Variants in CRADD observed in about 807,000 individuals in gnomAD.
CRADD encodes the protein CARD and death domain containing adaptor protein, also known as death domain-containing protein CRADD.
In CRADD, 9 loss-of-function variants were observed where a neutral mutation model predicts 15.5. The ratio of observed to expected loss-of-function variants is 0.58; its 90% CI spans 0.35 to 1.01. The LOEUF is 1.01. Ranked by LOEUF, CRADD falls within the 50% of genes least tolerant of loss-of-function variation. The pLI, the probability that CRADD is intolerant of heterozygous loss-of-function variation, is 0.02. For missense variants in CRADD, 227 were observed against 250.3 expected (o/e 0.91, Z 0.63); for synonymous variants, 118 against 107.6 (o/e 1.10, Z -0.60).
At chr12:93,857,749 A>AGG (rs1958287150) in intron 2 of CRADD, among the ~76,000 whole-genome samples, 1 of 152,146 alleles carries the variant, frequency 6.6e-6, no homozygotes, top group African/African-American at 2.4e-5. Flanking sequence ...ACATGGCAAG[A>AGG]GGGGGAGCAA....
chr12:93,770,215 C>G (rs916471788), intron 2 of CRADD, among the ~76,000 whole-genome samples: 7 of 150,440 alleles, frequency 4.7e-5, no homozygotes, highest in African/African-American at 1.7e-4. Flanking sequence ...CCTGCCTCAG[C>G]CTCCCGAGTA....
intron 2 of CRADD, among the ~76,000 whole-genome samples, chr12:93,833,527 C>T (rs1443815770): frequency 6.6e-6 from 1 of 151,836 alleles, no homozygotes; most frequent in Non-Finnish European, 1.5e-5. Context: ...TATTTTTGTA[C>T]AGATTGAGGG....
At chr12:93,731,846 G>T (rs984207506) in intron 2 of CRADD, among the ~76,000 whole-genome samples, 3 of 152,268 alleles carry the variant, frequency 2.0e-5, no homozygotes, top group Middle Eastern at 3.4e-3. Context: ...TTATGAAACA[G>T]TGAAATCTGG....
At chr12:93,737,173 CAG>C (rs929648159) in intron 2 of CRADD, among the ~76,000 whole-genome samples, 5 of 152,168 alleles carry the variant, frequency 3.3e-5, no homozygotes, top group African/African-American at 1.2e-4. Flanking sequence ...TATGGAAAAA[CAG>C]GGAGATGTGG....
intron 2 of CRADD, among the ~76,000 whole-genome samples, chr12:93,803,811 C>T (rs1480145781): frequency 3.3e-5 from 5 of 151,882 alleles, no homozygotes; most frequent in Admixed American, 2.6e-4. Flanking sequence ...GGGTACTGAT[C>T]TTGAGATTGG....
At chr12:93,756,789 G>T (rs577386320) in intron 2 of CRADD, among the ~76,000 whole-genome samples, 2 of 152,156 alleles carry the variant, frequency 1.3e-5, no homozygotes, top group African/African-American at 4.8e-5. Flanking sequence ...TAACTTCTTG[G>T]CACATCAGGT....
At chr12:93,766,792 T>C (rs549011938) in intron 2 of CRADD, among the ~76,000 whole-genome samples, 1 of 152,242 alleles carries the variant, frequency 6.6e-6, no homozygotes, top group Non-Finnish European at 1.5e-5. Flanking sequence ...CTATTTGGAA[T>C]GTAAGCTCCT....
At chr12:93,762,543 A>C (rs563007862) in intron 2 of CRADD, among the ~76,000 whole-genome samples, 1 of 152,214 alleles carries the variant, frequency 6.6e-6, no homozygotes, top group African/African-American at 2.4e-5. Flanking sequence ...TGGCTGAGGC[A>C]AGTTGGAAGT....
intron 1 of CRADD, among the ~76,000 whole-genome samples, chr12:93,678,531 C>T (rs778992738): frequency 9.2e-5 from 14 of 152,002 alleles, no homozygotes; most frequent in Non-Finnish European, 1.8e-4. Flanking sequence ...GAGCTGGGAC[C>T]CCATTGTGTG....
At chr12:93,691,053 A>T (rs529695713) in intron 2 of CRADD, among the ~76,000 whole-genome samples, 1 of 152,316 alleles carries the variant, frequency 6.6e-6, no homozygotes, top group East Asian at 1.9e-4. Context: ...TTGTTCATTT[A>T]GTTTTTAAAC....
At chr12:93,885,677 T>C (rs1265452660) in intron 2 of CRADD, among the ~76,000 whole-genome samples, 2 of 152,044 alleles carry the variant, frequency 1.3e-5, no homozygotes, top group East Asian at 3.9e-4. Flanking sequence ...TTTTGAAAAA[T>C]GGGTATAATG....
Position 93,678,806 on chromosome 12 carries a change from C to A in CRADD, c.32C>A (p.Ser11Ter). Residue 11 changes from serine (S) to a stop codon, truncating the protein, a stop_gained, in exon 2 of 3, where the codon TCA (serine) becomes TAA (stop). Coordinates refer to ENST00000332896, the MANE Select transcript of CRADD (RefSeq NM_003805.5). LOFTEE classifies it high-confidence loss of function. MEARDKQVLR[S>*]LRLELGAEVL... ...GCCAGAGACAAACAAGTACTCCGCT[C>A]ACTTCGCCTGGAGCTGGGTGCAGAG... 2 of 1,614,048 alleles carry A rather than the reference C, an allele frequency of 1.2e-6. No homozygotes were observed. The highest frequency in any genetic ancestry group is 2.2e-5 in the South Asian group (2 of 91,058).
At chr12:93,734,155 C>T (rs11107170) in intron 2 of CRADD, among the ~76,000 whole-genome samples, 54,098 of 151,754 alleles carry the variant, frequency 0.36, 10,755 homozygotes, top group East Asian at 0.55. Context: ...TCCATCTGTC[C>T]ATCCATCCCA....
intron 2 of CRADD, among the ~76,000 whole-genome samples, chr12:93,858,568 C>A (rs533202014): frequency 5.3e-4 from 81 of 152,280 alleles, no homozygotes; most frequent in Middle Eastern, 3.4e-3. Flanking sequence ...ATGAAAGCCT[C>A]CAAAGCAGCC....
chr12:93,742,454 C>T (rs1207493324), intron 2 of CRADD, among the ~76,000 whole-genome samples: 3 of 150,810 alleles, frequency 2.0e-5, no homozygotes, highest in Non-Finnish European at 4.4e-5. Flanking sequence ...GCTGCCTCTG[C>T]GGGCCCCGGC....
At chr12:93,784,251 G>A (rs77695035) in intron 2 of CRADD, among the ~76,000 whole-genome samples, 2,103 of 152,182 alleles carry the variant, frequency 0.014, 48 homozygotes, top group African/African-American at 0.048. Context: ...ATGTCAGTGA[G>A]GGCATCAAAA....
rs367839153 is a variant in CRADD at position 93,789,967 on chromosome 12, C to G, written c.299-60003C>G. ...AAATTTCACAATATGTGAAAGTAGCCTGAACTCTAAAGGTAGTAGTTGTGG... is the reference window on the plus strand; with the variant it reads ...AAATTTCACAATATGTGAAAGTAGCGTGAACTCTAAAGGTAGTAGTTGTGG... On this transcript the variant is annotated intron_variant, in intron 2 of 2. Transcript: ENST00000332896. 4.6e-5 allele frequency among the ~76,000 whole-genome samples: 7 copies of G among 152,112 alleles called. No homozygotes were observed. The East Asian group carries it at 9.6e-4, about 21-fold the overall frequency.
chr12:93,808,825 C>T (rs1159962810), intron 2 of CRADD, among the ~76,000 whole-genome samples: 2 of 151,814 alleles, frequency 1.3e-5, no homozygotes, highest in South Asian at 2.1e-4. Flanking sequence ...CCTAGGAGGT[C>T]GGGGAAAGTA....
chr12:93,726,094 G>GTTTTT (rs1165429350), intron 2 of CRADD, among the ~76,000 whole-genome samples: 282 of 96,046 alleles, frequency 2.9e-3, no homozygotes, highest in Non-Finnish European at 3.7e-3. Flanking sequence ...AAATAGTTTA[G>GTTTTT]TTTTTTTTTT....
Sources: allele counts gnomAD v4.1 joint callset (sites outside exome capture counted in the v4.1 genomes callset), GRCh38; gene constraint gnomAD v4.1.1; transcripts MANE v1.5; gene names NCBI Gene and HGNC (gene_info 2026-07-23, HGNC 2026-07-21).